Variants in CFTR observed in about 807,000 individuals in gnomAD.
CFTR encodes the protein cystic fibrosis transmembrane conductance regulator.
In CFTR, 181 loss-of-function variants were observed where a neutral mutation model predicts 171.6. That is an observed-to-expected ratio of 1.05 (90% CI 0.93 to 1.19). CFTR has a LOEUF of 1.19. Among genes scored for constraint, CFTR ranks in the 50% most tolerant of loss-of-function variants. The pLI, the probability that CFTR is intolerant of heterozygous loss-of-function variation, is 0.00. For synonymous variants in CFTR, 583 were observed against 608.0 expected, an observed-to-expected ratio of 0.96 and a Z score of 0.60; for missense variants, 1,968 against 1,734.7, an observed-to-expected ratio of 1.13 and a Z score of -2.39.
chr7:117,578,596 T>G (rs1344059723), intron 11 of CFTR, among the ~76,000 whole-genome samples: 2 of 152,106 alleles, frequency 1.3e-5, no homozygotes, highest in African/African-American at 4.8e-5. Flanking sequence ...CAGTTGTAAT[T>G]GGTATTTTGG....
At chr7:117,574,263 T>A (rs1281328200) in intron 11 of CFTR, among the ~76,000 whole-genome samples, 1 of 152,060 alleles carries the variant, frequency 6.6e-6, no homozygotes, top group African/African-American at 2.4e-5. Flanking sequence ...ATAAATTAGG[T>A]AATCAGAACA....
intron 1 of CFTR, among the ~76,000 whole-genome samples, chr7:117,494,773 T>C (rs753646011): frequency 3.9e-5 from 6 of 152,130 alleles, no homozygotes; most frequent in Non-Finnish European, 5.9e-5. Context: ...GTTAAATCAA[T>C]ATATCATGTG....
intron 13 of CFTR, among the ~76,000 whole-genome samples, chr7:117,590,732 A>G (rs1467087192): frequency 1.3e-5 from 2 of 152,026 alleles, no homozygotes; most frequent in Non-Finnish European, 2.9e-5. Context: ...CTTGTGATAT[A>G]TATTACTTTA....
chr7:117,559,532 A>G lies in CFTR; in HGVS notation c.1461A>G (p.Arg487=). 1 of 1,612,042 alleles carries G rather than the reference A, an allele frequency of 6.2e-7. No individual in the cohort carries two copies. The highest frequency in any genetic ancestry group is 1.1e-5 in the South Asian group (1 of 91,024). Residue 487 remains arginine (R), a synonymous_variant, in exon 11 of 27, where the codon AGA becomes AGG. Transcript: ENST00000003084. ...PSEGKIKHSG[R]ISFCSQFSWI... is the part of the protein sequence containing the mutation. ...AGGGTAAAATTAAGCACAGTGGAAG[A>G]ATTTCATTCTGTTCTCAGTTTTCCT...
At chr7:117,602,767 A>G (rs1792244536) in intron 15 of CFTR, 59 bp from the exon 16 acceptor site, 1 of 1,340,088 alleles carries the variant, frequency 7.5e-7, no homozygotes. Flanking sequence ...AGATGTGGGC[A>G]TGGGAGGAAT....
At position 117,611,589 on chromosome 7, in the gene CFTR, C is replaced by G. The variant is rs370430187; in HGVS notation, c.3148C>G (p.Pro1050Ala). The change falls in exon 20 of 27, where the codon CCA becomes GCA. Residue 1050 changes from proline (P) to alanine (A), a missense_variant. Physicochemically the swap from Pro to Ala is conservative, Grantham distance 27 (BLOSUM62 -1). Coordinates refer to ENST00000003084, the MANE Select transcript of CFTR (RefSeq NM_000492.4). ...ATGGAAATATTTCACAGGCAGGAGT[C>G]CAATTTTCACTCATCTTGTTACAAG... is the stretch of plus-strand genomic sequence containing the variant. ...LKQLESEGRS[P>A]IFTHLVTSLK... 9 of 1,600,760 alleles carry G rather than the reference C, an allele frequency of 5.6e-6. No individual in the cohort carries two copies. In the African/African-American group the frequency reaches 6.7e-5, roughly 12 times the overall value.
At chr7:117,519,870 C>A (rs895764144) in intron 3 of CFTR, among the ~76,000 whole-genome samples, 1 of 151,844 alleles carries the variant, frequency 6.6e-6, no homozygotes, top group African/African-American at 2.4e-5. Context: ...CTTCAGTACA[C>A]ACCCCTTTAA....
chr7:117,595,107 G>A, intron 15 of CFTR, 49 bp downstream of exon 15: 5 of 1,514,074 alleles, frequency 3.3e-6, no homozygotes, highest in Non-Finnish European at 4.6e-6. Flanking sequence ...GTTAAATTAA[G>A]ATAGTTTGGG....
intron 3 of CFTR, among the ~76,000 whole-genome samples, chr7:117,516,557 G>C (rs1798599282): frequency 6.6e-6 from 1 of 152,190 alleles, no homozygotes; most frequent in Admixed American, 6.5e-5. Flanking sequence ...TAACCAGGTT[G>C]TGTTATAACA....
intron 24 of CFTR, among the ~76,000 whole-genome samples, chr7:117,663,218 G>A (rs1277007735): frequency 1.3e-5 from 2 of 152,060 alleles, no homozygotes; most frequent in African/African-American, 4.8e-5. Flanking sequence ...CAATAAAAAA[G>A]TTGAAGGCAC....
At chr7:117,616,145 T>C (rs761586815) in intron 21 of CFTR, 1 of 152,100 alleles carries the variant, frequency 6.6e-6, no homozygotes, top group Non-Finnish European at 1.5e-5. Flanking sequence ...TTCATGTGTC[T>C]TCTTATTTTC....
chr7:117,491,313 C>T (rs568155824), intron 1 of CFTR, among the ~76,000 whole-genome samples: 5 of 152,010 alleles, frequency 3.3e-5, no homozygotes, highest in Non-Finnish European at 5.9e-5. Flanking sequence ...ATCTTAAATA[C>T]TCAAAGTATC....
chr7:117,511,798 C>A (rs991231441), intron 3 of CFTR, among the ~76,000 whole-genome samples: 6 of 152,082 alleles, frequency 3.9e-5, no homozygotes, highest in Non-Finnish European at 7.4e-5. Flanking sequence ...TAGATTATTG[C>A]AGTTTTTTCA....
At chr7:117,537,250 C>A (rs1467784105) in intron 7 of CFTR, among the ~76,000 whole-genome samples, 2 of 152,164 alleles carry the variant, frequency 1.3e-5, no homozygotes, top group Admixed American at 6.6e-5. Context: ...TACTTGGCAC[C>A]TATCTCTAGT....
At chr7:117,516,938 ATTTTT>A (rs1301428973) in intron 3 of CFTR, among the ~76,000 whole-genome samples, 1 of 151,808 alleles carries the variant, frequency 6.6e-6, no homozygotes, top group Non-Finnish European at 1.5e-5. Context: ...ATGATAGCAC[ATTTTT>A]TCTTTTTCTT....
At chr7:117,556,959 A>G (rs1799371632) in intron 10 of CFTR, among the ~76,000 whole-genome samples, 1 of 152,048 alleles carries the variant, frequency 6.6e-6, no homozygotes, top group Admixed American at 6.5e-5. Context: ...GTTGTATTGT[A>G]ACTCATTAAT....
chr7:117,519,808 C>T (rs1239557798), intron 3 of CFTR, among the ~76,000 whole-genome samples: 1 of 151,824 alleles, frequency 6.6e-6, no homozygotes, highest in Admixed American at 6.6e-5. Flanking sequence ...TAATCAGTTC[C>T]TCATCATTGA....
At position 117,590,578 on chromosome 7, in the gene CFTR, C is replaced by T. The variant is rs1327273353; in HGVS notation, c.1766+139C>T. The T allele has an allele frequency of 7.2e-6, 8 of 1,106,864 alleles. No individual in the cohort carries two copies. In the Admixed American group the frequency reaches 1.4e-4, roughly 19 times the overall value. 68.6% of individuals were successfully genotyped at this position (1,106,864 alleles called of 1,614,324 possible). A position where few individuals can be genotyped will look rare whatever the true frequency, so the allele number is the denominator to read the frequency against. ...ATGGCAGAATGTAGCATGGTATTAACTCAAATCTGATCTGCCCTACTGGGC... is the reference window on the plus strand; with the variant it reads ...ATGGCAGAATGTAGCATGGTATTAATTCAAATCTGATCTGCCCTACTGGGC... On this transcript the variant is annotated intron_variant, in intron 13 of 26. Coordinates refer to ENST00000003084, the MANE Select transcript of CFTR (RefSeq NM_000492.4).
chr7:117,496,330 C>T (rs1048416293), intron 1 of CFTR, among the ~76,000 whole-genome samples: 4 of 151,986 alleles, frequency 2.6e-5, no homozygotes, highest in African/African-American at 7.2e-5. Flanking sequence ...CTCAGTCTCC[C>T]GAGTAGCTGA....
Sources: allele counts gnomAD v4.1 joint callset (sites outside exome capture counted in the v4.1 genomes callset), GRCh38; gene constraint gnomAD v4.1.1; transcripts MANE v1.5; gene names NCBI Gene and HGNC (gene_info 2026-07-23, HGNC 2026-07-21).